Variants in MAPKAPK3 observed in about 807,000 individuals in gnomAD.
The protein encoded by MAPKAPK3 is MAPK activated protein kinase 3.
MAPKAPK3 carries 35 observed loss-of-function variants against 49.2 expected under a neutral mutation model. The ratio of observed to expected loss-of-function variants is 0.71; its 90% CI spans 0.54 to 0.94. The LOEUF is 0.94. Among genes scored for constraint, MAPKAPK3 ranks in the 40% least tolerant of loss-of-function variants. The pLI, the probability that MAPKAPK3 is intolerant of heterozygous loss-of-function variation, is 0.00. For missense variants in MAPKAPK3, 398 were observed against 493.1 expected (o/e 0.81, Z 1.83); for synonymous variants, 178 against 188.7 (o/e 0.94, Z 0.46).
At chr3:50,632,320 G>A (rs2032934353) in intron 2 of MAPKAPK3, among the ~76,000 whole-genome samples, 1 of 152,190 alleles carries the variant, frequency 6.6e-6, no homozygotes, top group South Asian at 2.1e-4. Flanking sequence ...AGACTTCCAG[G>A]AAGCTCAGAA....
chr3:50,616,715 T>A (rs542331531), upstream of MAPKAPK3, among the ~76,000 whole-genome samples: 1 of 152,158 alleles, frequency 6.6e-6, no homozygotes, highest in South Asian at 2.1e-4. Context: ...TCGGCATGTT[T>A]AAAAAGTTGA....
At chr3:50,621,864 G>A (rs2032618953) in intron 2 of MAPKAPK3, among the ~76,000 whole-genome samples, 1 of 152,184 alleles carries the variant, frequency 6.6e-6, no homozygotes, top group Non-Finnish European at 1.5e-5. Context: ...CTGTGGGGCT[G>A]GGGGCTCTTC....
Position 50,646,275 on chromosome 3 carries a change from C to G in MAPKAPK3, c.829+11C>G. ...AAGTCTCTGAGGATGGTGAGTGAAC[C>G]TCTCTGTCCCAGCCTGACTCACCTG... On this transcript the variant is annotated intron_variant, in intron 8 of 10. Coordinates refer to ENST00000621469, the MANE Select transcript of MAPKAPK3 (RefSeq NM_001243925.2). 1 of 1,613,968 alleles carries G rather than the reference C, an allele frequency of 6.2e-7. No individual in the cohort carries two copies. Among genetic ancestry groups the G allele is most frequent in the Middle Eastern group, 1.7e-4 (1 of 6,060 alleles).
chr3:50,623,331 C>T (rs187001236), intron 2 of MAPKAPK3, among the ~76,000 whole-genome samples: 3 of 152,338 alleles, frequency 2.0e-5, no homozygotes, highest in East Asian at 3.9e-4. Flanking sequence ...GGGAGGGCAT[C>T]AAACCCTACA....
intron 2 of MAPKAPK3, 79 bp downstream of exon 2, chr3:50,617,863 C>T (rs1287674813): frequency 8.7e-7 from 1 of 1,151,582 alleles, no homozygotes; most frequent in Non-Finnish European, 1.3e-6. Context: ...ATGTCTAGCG[C>T]CCCTGCTAAG....
intron 2 of MAPKAPK3, among the ~76,000 whole-genome samples, chr3:50,626,121 T>C (rs1465628595): frequency 6.6e-6 from 1 of 151,278 alleles, no homozygotes; most frequent in Admixed American, 6.6e-5. Context: ...AGCTGCAGTC[T>C]CTGCTGTTGG....
rs1252680191 is a variant in MAPKAPK3 at position 50,644,300 on chromosome 3, G to T, written c.505-109G>T. On this transcript the variant is annotated intron_variant, in intron 5 of 10. Transcript: ENST00000621469. ...CCGGGTCTTTTTATAAATGGACCTG[G>T]CTCCTTCTGCACTGGGATGGAGTCG... 2.3e-6 allele frequency: 3 copies of T among 1,301,464 alleles called. 1 individual carries two copies. In the African/African-American group the frequency reaches 4.4e-5, roughly 19 times the overall value. 80.6% of individuals were successfully genotyped at this position (1,301,464 alleles called of 1,614,324 possible). A position where few individuals can be genotyped will look rare whatever the true frequency, so the allele number is the denominator to read the frequency against.
intron 2 of MAPKAPK3, among the ~76,000 whole-genome samples, chr3:50,625,792 C>G (rs1482503557): frequency 6.6e-6 from 1 of 152,192 alleles, no homozygotes; most frequent in African/African-American, 2.4e-5. Context: ...GTGTTTCAGG[C>G]CTCATGGCCT....
At chr3:50,629,440 T>A (rs534372893) in intron 2 of MAPKAPK3, among the ~76,000 whole-genome samples, 143 of 152,310 alleles carry the variant, frequency 9.4e-4, no homozygotes, top group African/African-American at 3.3e-3. Flanking sequence ...CCCAATACCT[T>A]CAGTGTGCAC....
At chr3:50,621,664 A>G (rs991526837) in intron 2 of MAPKAPK3, among the ~76,000 whole-genome samples, 5 of 151,268 alleles carry the variant, frequency 3.3e-5, no homozygotes, top group Non-Finnish European at 1.5e-5. Context: ...CAGCTACTCA[A>G]GAGGCTGAGG....
At chr3:50,623,325 G>A (rs2032654898) in intron 2 of MAPKAPK3, among the ~76,000 whole-genome samples, 1 of 152,312 alleles carries the variant, frequency 6.6e-6, no homozygotes, top group East Asian at 1.9e-4. Flanking sequence ...ATCCTGGGGA[G>A]GGCATCAAAC....
At chr3:50,619,351 G>A (rs1306262075) in intron 2 of MAPKAPK3, among the ~76,000 whole-genome samples, 3 of 152,204 alleles carry the variant, frequency 2.0e-5, no homozygotes, top group African/African-American at 7.2e-5. Flanking sequence ...ATGCGGGTGG[G>A]TCTAGGAGAG....
chr3:50,642,106 C>G, intron 4 of MAPKAPK3, 147 bp from the exon 5 acceptor site: 3 of 658,724 alleles, frequency 4.6e-6, no homozygotes, highest in Non-Finnish European at 8.2e-6. Context: ...GCGTAGACAT[C>G]CCGGGATAGA....
intron 2 of MAPKAPK3, among the ~76,000 whole-genome samples, chr3:50,630,393 G>C (rs2032874039): frequency 6.6e-6 from 1 of 152,218 alleles, no homozygotes; most frequent in Non-Finnish European, 1.5e-5. Flanking sequence ...CTGTACAGTT[G>C]AATCCTGGTT....
chr3:50,611,584 G>T, upstream of MAPKAPK3: 8 of 1,523,820 alleles, frequency 5.2e-6, no homozygotes, highest in Non-Finnish European at 7.0e-6. Context: ...CTGTTCTCCC[G>T]TGCGCCCCTC....
chr3:50,619,322 G>A (rs927076693), intron 2 of MAPKAPK3, among the ~76,000 whole-genome samples: 2 of 152,210 alleles, frequency 1.3e-5, no homozygotes, highest in East Asian at 1.9e-4. Context: ...TGTCTCCCCG[G>A]AGTACCTTGG....
intron 2 of MAPKAPK3, among the ~76,000 whole-genome samples, chr3:50,639,079 T>G (rs917638981): frequency 6.6e-6 from 1 of 152,214 alleles, no homozygotes; most frequent in Non-Finnish European, 1.5e-5. Context: ...TCATTTCTGG[T>G]GCTGGTTGGC....
In MAPKAPK3 at chr3:50,628,329, C is replaced by T. The variant is rs1309811539; in HGVS notation, c.219+10545C>T. ...CAGCTATGTGGGCATCACTGCCACACAACTGGCCAGTTGGGGGCACATATT... is the reference window on the plus strand; with the variant it reads ...CAGCTATGTGGGCATCACTGCCACATAACTGGCCAGTTGGGGGCACATATT... On this transcript the variant is annotated intron_variant, in intron 2 of 10. Coordinates refer to ENST00000621469, the MANE Select transcript of MAPKAPK3 (RefSeq NM_001243925.2). Among the ~76,000 whole-genome samples, 3 of 152,202 alleles carry T rather than the reference C, an allele frequency of 2.0e-5. No homozygotes were observed. In the East Asian group the frequency reaches 5.8e-4, roughly 29 times the overall value.
chr3:50,635,275 A>G (rs2033005737), intron 2 of MAPKAPK3, among the ~76,000 whole-genome samples: 1 of 152,200 alleles, frequency 6.6e-6, no homozygotes, highest in African/African-American at 2.4e-5. Flanking sequence ...GCTCCCTGGA[A>G]GAGGAGGTAA....
Sources: gnomAD v4.1 joint callset for allele counts (sites outside exome capture counted in the v4.1 genomes callset) on GRCh38, gnomAD v4.1.1 for gene constraint, MANE v1.5 for transcripts, NCBI Gene and HGNC (gene_info 2026-07-23, HGNC 2026-07-21) for gene names.